The following ARMH3 variants were observed in gnomAD, a reference collection of about 807,000 sequenced individuals.
ARMH3 encodes armadillo like helical domain containing 3, also known as armadillo-like helical domain-containing protein 3.
Under a neutral mutation model 99.1 loss-of-function variants are expected in ARMH3, and 60 were observed. That is an observed-to-expected ratio of 0.61 (90% CI 0.49 to 0.75). ARMH3 has a LOEUF of 0.75. ARMH3 is among the 30% of genes least tolerant of loss of function. The pLI, the probability that ARMH3 is intolerant of heterozygous loss-of-function variation, is 0.00. For missense variants in ARMH3, 679 were observed against 843.1 expected (o/e 0.81, Z 2.41); for synonymous variants, 285 against 292.8 (o/e 0.97, Z 0.27).
intron 16 of ARMH3, among the ~76,000 whole-genome samples, chr10:101,994,936 C>T (rs1000193628): frequency 1.3e-5 from 2 of 152,076 alleles, no homozygotes; most frequent in East Asian, 1.9e-4. Context: ...CTAGAGGGGC[C>T]GAGGCACGAG....
chr10:101,997,642 G>A (rs1214431683), intron 15 of ARMH3, among the ~76,000 whole-genome samples: 1 of 152,016 alleles, frequency 6.6e-6, no homozygotes, highest in East Asian at 1.9e-4. Flanking sequence ...TGATTGGGGA[G>A]GGACACACAG....
intron 1 of ARMH3, 75 bp from the exon 2 acceptor site, chr10:102,040,200 C>T (rs949140063): frequency 3.2e-6 from 4 of 1,256,374 alleles, no homozygotes; most frequent in Admixed American, 3.4e-5. Context: ...ATATGTCATA[C>T]ATTTGTCCAA....
intron 15 of ARMH3, among the ~76,000 whole-genome samples, chr10:101,996,645 A>C (rs1262474232): frequency 1.3e-5 from 2 of 152,140 alleles, no homozygotes; most frequent in African/African-American, 2.4e-5. Flanking sequence ...GCCTGCAGCT[A>C]TCTCTCCACT....
At position 101,957,692 on chromosome 10, in the gene ARMH3, A is replaced by C; in HGVS notation, c.1536T>G (p.Thr512=). The change falls in exon 21 of 26, where the codon ACT becomes ACG. Residue 512 remains threonine (T), a synonymous_variant. Coordinates refer to ENST00000370033, the MANE Select transcript of ARMH3 (RefSeq NM_024541.3). ...NLLKFLMSNE[T]VLLAKHNIFT... is the part of the protein sequence containing the mutation. ...AAATGTTGTGTTTGGCCAAAAGTAC[A>C]GTCTCATTTGACATAAGGAACTTCA... 1 of 1,610,094 alleles carries C rather than the reference A, an allele frequency of 6.2e-7. No homozygotes were observed. The highest frequency in any genetic ancestry group is 8.5e-7 in the Non-Finnish European group (1 of 1,178,756).
At chr10:102,029,387 A>G (rs1232905417) in intron 5 of ARMH3, 1 of 1,359,768 alleles carries the variant, frequency 7.4e-7, no homozygotes, top group African/African-American at 1.5e-5. Flanking sequence ...ATCATATGAT[A>G]CGAGTAATAA....
intron 23 of ARMH3, among the ~76,000 whole-genome samples, chr10:101,921,157 C>T (rs982608923): frequency 2.6e-5 from 4 of 152,088 alleles, no homozygotes; most frequent in African/African-American, 4.8e-5. Flanking sequence ...ATCTTAAAAA[C>T]GTTTTTTAAA....
intron 2 of ARMH3, among the ~76,000 whole-genome samples, chr10:102,035,657 C>T (rs962632140): frequency 5.3e-5 from 8 of 152,246 alleles, no homozygotes; most frequent in South Asian, 2.1e-4. Flanking sequence ...CCGCCAGCCT[C>T]GGCCTCCCGA....
chr10:101,890,108 T>C (rs2067650737), intron 23 of ARMH3, among the ~76,000 whole-genome samples: 1 of 152,102 alleles, frequency 6.6e-6, no homozygotes, highest in Non-Finnish European at 1.5e-5. Context: ...AGTGCCTTGG[T>C]ATAGGTCTTT....
chr10:101,952,537 T>C (rs1257672422), intron 22 of ARMH3: 1 of 150,596 alleles, frequency 6.6e-6, no homozygotes, highest in Non-Finnish European at 1.5e-5. Context: ...GTTACTGTGG[T>C]AAAAAAAAAG....
intron 23 of ARMH3, among the ~76,000 whole-genome samples, chr10:101,917,676 T>A (rs72844674): frequency 6.1e-4 from 93 of 152,358 alleles, no homozygotes; most frequent in Non-Finnish European, 1.2e-3. Flanking sequence ...TTAGCAGATA[T>A]GCAATTTCCC....
chr10:102,006,524 G>T lies in ARMH3; in HGVS notation c.1048+16C>A, dbSNP rs2136085106. 6.2e-7 allele frequency: 1 copy of T among 1,605,874 alleles called. No homozygotes were observed. The highest frequency in any genetic ancestry group is 1.7e-5 in the Admixed American group (1 of 59,982). The stretch of plus-strand genomic sequence containing the variant: ...GATCATATTAACCAAGAAAAACAAA[G>T]TGGTGGTGGGCTCACCATCAGAGGA... On this transcript the variant is annotated intron_variant, in intron 14 of 25. Transcript: ENST00000370033.
intron 23 of ARMH3, among the ~76,000 whole-genome samples, chr10:101,893,589 G>A (rs1283684481): frequency 6.6e-6 from 1 of 152,030 alleles, no homozygotes; most frequent in Non-Finnish European, 1.5e-5. Context: ...CCCTGGGAAT[G>A]GAATTGCTGG....
At chr10:102,028,906 C>T (rs774144428) in intron 5 of ARMH3, among the ~76,000 whole-genome samples, 33 of 152,200 alleles carry the variant, frequency 2.2e-4, no homozygotes, top group Non-Finnish European at 4.0e-4. Context: ...GGGTCTTGCT[C>T]TGTTGCCCAG....
chr10:102,046,628 G>A (rs1205686866), intron 1 of ARMH3, among the ~76,000 whole-genome samples: 1 of 152,088 alleles, frequency 6.6e-6, no homozygotes, highest in Non-Finnish European at 1.5e-5. Flanking sequence ...CTCCAGCCTG[G>A]GCAACGAATG....
intron 5 of ARMH3, 147 bp downstream of exon 5, chr10:102,029,491 G>A: frequency 6.4e-7 from 1 of 1,562,082 alleles, no homozygotes; most frequent in Non-Finnish European, 8.7e-7. Flanking sequence ...GCAAATCTGT[G>A]AAATAAAAAC....
chr10:101,931,540 G>A (rs1319707068), intron 23 of ARMH3, among the ~76,000 whole-genome samples: 3 of 151,796 alleles, frequency 2.0e-5, no homozygotes, highest in Non-Finnish European at 4.4e-5. Flanking sequence ...AAAAAGCAGT[G>A]GGCATTAGGG....
chr10:101,983,196 C>T (rs997583431), intron 19 of ARMH3, among the ~76,000 whole-genome samples: 10 of 152,248 alleles, frequency 6.6e-5, no homozygotes, highest in African/African-American at 1.9e-4. Flanking sequence ...GATTAGCGAG[C>T]TGGGCTTTCA....
chr10:102,029,484 A>G, intron 5 of ARMH3, 154 bp downstream of exon 5: 1 of 1,557,844 alleles, frequency 6.4e-7, no homozygotes. Flanking sequence ...AGATAAAGCA[A>G]ATCTGTGAAA....
chr10:101,975,248 C>T lies in ARMH3; in HGVS notation c.1459G>A (p.Val487Ile). The T allele has an allele frequency of 1.9e-6, 3 of 1,612,512 alleles. No individual in the cohort carries two copies. Among genetic ancestry groups the T allele is most frequent in the Non-Finnish European group, 1.7e-6 (2 of 1,179,042 alleles). The change falls in exon 20 of 26, where the codon GTA becomes ATA. Residue 487 changes from valine (V) to isoleucine (I), a missense_variant. Physicochemically the swap from Val to Ile is conservative, Grantham distance 29 (BLOSUM62 3). Around this residue, in one of 3 missense-constraint regions of ARMH3, gnomAD observed 389 missense variants for 456.5 expected, o/e 0.85. Transcript: ENST00000370033. ...KLLCYQKKCR[V>I]RLHYTWRELW... ...TCCCGCCAGGTGTAATGCAGGCGTA[C>T]CCGACACTTCTTCTGGTAGCAGAGC...
Sources: allele counts gnomAD v4.1 joint callset (sites outside exome capture counted in the v4.1 genomes callset), GRCh38; gene constraint gnomAD v4.1.1; regional missense constraint gnomAD v4.1.1; transcripts MANE v1.5; gene names NCBI Gene and HGNC (gene_info 2026-07-23, HGNC 2026-07-21).